The following MOSMO variants were observed in gnomAD, a reference collection of about 807,000 sequenced individuals.
The protein encoded by MOSMO is modulator of smoothened, also known as modulator of smoothened protein.
A neutral mutation model predicts 18.4 loss-of-function variants in MOSMO; 5 were observed. The ratio of observed to expected loss-of-function variants is 0.27; its 90% CI spans 0.14 to 0.57. The LOEUF (loss-of-function observed/expected upper bound fraction) is 0.57. Among genes scored for constraint, MOSMO ranks in the 20% least tolerant of loss-of-function variants. MOSMO has a pLI of 0.92. For missense variants in MOSMO, 138 were observed against 211.8 expected, an observed-to-expected ratio of 0.65 and a Z score of 2.16; for synonymous variants, 82 against 82.3, an observed-to-expected ratio of 1.00 and a Z score of 0.02.
intron 1 of MOSMO, among the ~76,000 whole-genome samples, chr16:22,020,350 A>G (rs1899732672): frequency 7.3e-6 from 1 of 136,764 alleles, no homozygotes; most frequent in African/African-American, 2.8e-5. Context: ...GCTGGAGTGC[A>G]ATGGCTTGAT....
intron 1 of MOSMO, among the ~76,000 whole-genome samples, chr16:22,040,006 C>A (rs1427690850): frequency 6.6e-6 from 1 of 152,130 alleles, no homozygotes; most frequent in Admixed American, 6.6e-5. Context: ...GTGCCTAGCA[C>A]ATGGAAGGCA....
intron 1 of MOSMO, among the ~76,000 whole-genome samples, chr16:22,028,654 A>G (rs575129902): frequency 1.3e-5 from 2 of 152,116 alleles, no homozygotes; most frequent in African/African-American, 2.4e-5. Flanking sequence ...ACCTTTCACT[A>G]TACTTAGCCT....
chr16:22,034,946 C>T (rs545027490), intron 1 of MOSMO, among the ~76,000 whole-genome samples: 91 of 151,818 alleles, frequency 6.0e-4, no homozygotes, highest in Non-Finnish European at 1.1e-3. Flanking sequence ...GTTGCCCAGG[C>T]TGGTCTCAAA....
intron 1 of MOSMO, among the ~76,000 whole-genome samples, chr16:22,063,650 G>A (rs770790816): frequency 2.5e-4 from 38 of 152,180 alleles, no homozygotes; most frequent in Non-Finnish European, 5.9e-5. Flanking sequence ...TTCCTTGAAC[G>A]TTTATGAGAA....
At chr16:22,012,494 C>T (rs1899552421) in intron 1 of MOSMO, among the ~76,000 whole-genome samples, 3 of 152,094 alleles carry the variant, frequency 2.0e-5, no homozygotes, top group African/African-American at 7.2e-5. Context: ...TTTATAAGAA[C>T]AGGTGTCAGA....
At chr16:22,085,312 G>A (rs1182844181), downstream of MOSMO, 1 of 152,096 alleles carries the variant, frequency 6.6e-6, no homozygotes, top group Non-Finnish European at 1.5e-5. Context: ...AAGATTAAGG[G>A]GTTTCCTTGG....
intron 1 of MOSMO, among the ~76,000 whole-genome samples, chr16:22,051,309 A>G (rs1900421169): frequency 6.6e-6 from 1 of 151,870 alleles, no homozygotes; most frequent in Non-Finnish European, 1.5e-5. Context: ...GATCACTTGA[A>G]CCTGGGAGGT....
At chr16:22,091,509 A>G (rs1174594919), downstream of MOSMO, among the ~76,000 whole-genome samples, 1 of 152,146 alleles carries the variant, frequency 6.6e-6, no homozygotes, top group Non-Finnish European at 1.5e-5. Flanking sequence ...TCAGCCTTCC[A>G]AGTAGCTGGG....
In MOSMO at chr16:22,081,786, G is replaced by C. The variant is rs985551535; in HGVS notation, c.*906G>C. 2 of 152,048 alleles carry C rather than the reference G, an allele frequency of 1.3e-5. No homozygotes were observed. The highest frequency in any genetic ancestry group is 2.1e-4 in the South Asian group (1 of 4,832). 9.4% of individuals were successfully genotyped at this position (152,048 alleles called of 1,614,324 possible). The stretch of plus-strand genomic sequence containing the variant: ...TTATCTGAAGGCTGCATAGTGGAGA[G>C]AGTCTTCAGTTTACCTCATTCTTTG... On this transcript the variant is annotated 3_prime_UTR_variant, in exon 3 of 3. Transcript: ENST00000542527.
intron 1 of MOSMO, among the ~76,000 whole-genome samples, chr16:22,009,802 T>TAAAAAA (rs1899481223): frequency 3.6e-4 from 1 of 2,806 alleles, no homozygotes; most frequent in African/African-American, 1.0e-3. Context: ...CTACTAAAAA[T>TAAAAAA]ACAAAAAAAA....
intron 1 of MOSMO, among the ~76,000 whole-genome samples, chr16:22,019,890 A>G (rs192073715): frequency 6.6e-6 from 1 of 152,292 alleles, no homozygotes; most frequent in East Asian, 1.9e-4. Flanking sequence ...CTGCATATCC[A>G]TAGAATTCAG....
chr16:22,036,077 A>C (rs1195569732), intron 1 of MOSMO, among the ~76,000 whole-genome samples: 1 of 152,182 alleles, frequency 6.6e-6, no homozygotes, highest in African/African-American at 2.4e-5. Context: ...TACATGTCGA[A>C]TAGAATTTGG....
At chr16:22,010,298 G>A (rs1471512872) in intron 1 of MOSMO, among the ~76,000 whole-genome samples, 1 of 152,164 alleles carries the variant, frequency 6.6e-6, no homozygotes, top group African/African-American at 2.4e-5. Context: ...CGAATTTGGT[G>A]GTACTATGGG....
At chr16:22,029,883 C>T (rs1899958613) in intron 1 of MOSMO, among the ~76,000 whole-genome samples, 1 of 152,204 alleles carries the variant, frequency 6.6e-6, no homozygotes, top group Admixed American at 6.5e-5. Context: ...CTGCCTTGAC[C>T]TCCCGAAGTG....
intron 1 of MOSMO, among the ~76,000 whole-genome samples, chr16:22,032,470 G>A (rs1382012859): frequency 6.6e-6 from 1 of 152,120 alleles, no homozygotes; most frequent in Non-Finnish European, 1.5e-5. Flanking sequence ...GGAATTACAG[G>A]CATGAGCCAC....
intron 1 of MOSMO, among the ~76,000 whole-genome samples, chr16:22,067,214 A>G (rs1419381360): frequency 6.6e-6 from 1 of 152,198 alleles, no homozygotes; most frequent in Non-Finnish European, 1.5e-5. Flanking sequence ...AGTGAAGAGA[A>G]CATAAGAAAT....
At chr16:22,071,674 T>G (rs2141774374) in intron 1 of MOSMO, among the ~76,000 whole-genome samples, 1 of 152,322 alleles carries the variant, frequency 6.6e-6, no homozygotes, top group African/African-American at 2.4e-5. Flanking sequence ...GCATGTGGGA[T>G]GCTGTAGTTT....
intron 1 of MOSMO, among the ~76,000 whole-genome samples, chr16:22,045,880 CT>C (rs34664753): frequency 0.017 from 2,463 of 145,198 alleles, 55 homozygotes; most frequent in African/African-American, 0.052. Flanking sequence ...CACTAGAACT[CT>C]TTTTTTTTTT....
chr16:22,062,290 CTA>C (rs752275598), intron 1 of MOSMO, among the ~76,000 whole-genome samples: 11 of 151,880 alleles, frequency 7.2e-5, no homozygotes, highest in Admixed American at 7.2e-4. Context: ...GAATCCCAAA[CTA>C]TGTTTCTCTT....
Sources: gnomAD v4.1 joint callset for allele counts (sites outside exome capture counted in the v4.1 genomes callset) on GRCh38, gnomAD v4.1.1 for gene constraint, MANE v1.5 for transcripts, NCBI Gene and HGNC (gene_info 2026-07-23, HGNC 2026-07-21) for gene names.